SPECC1: variants seen among roughly 807,000 people sequenced by gnomAD.
SPECC1 encodes sperm antigen with calponin homology and coiled-coil domains 1, also known as cytospin-B.
A neutral mutation model predicts 104.1 loss-of-function variants in SPECC1; 62 were observed. The ratio of observed to expected loss-of-function variants is 0.60; its 90% CI spans 0.49 to 0.74. The LOEUF (loss-of-function observed/expected upper bound fraction) is 0.74. Ranked by LOEUF, SPECC1 falls within the 30% of genes least tolerant of loss-of-function variation. The pLI is 0.00. For synonymous variants in SPECC1, 513 were observed against 501.6 expected (o/e 1.02, Z -0.30); for missense variants, 1,306 against 1,310.5 (o/e 1.00, Z 0.05).
chr17:20,089,201 G>A (rs17759609), intron 1 of SPECC1, among the ~76,000 whole-genome samples: 1 of 152,070 alleles, frequency 6.6e-6, no homozygotes, highest in East Asian at 1.9e-4. Context: ...ACATTCCCTT[G>A]TTGCTGAACT....
At chr17:20,271,759 C>T (rs2040417194) in intron 12 of SPECC1, among the ~76,000 whole-genome samples, 1 of 151,724 alleles carries the variant, frequency 6.6e-6, no homozygotes, top group African/African-American at 2.4e-5. Context: ...TTTTTTTTCC[C>T]CTTTGTTTTT....
chr17:20,300,529 T>G (rs528992348), intron 13 of SPECC1, among the ~76,000 whole-genome samples: 16 of 152,258 alleles, frequency 1.1e-4, no homozygotes, highest in African/African-American at 1.7e-4. Flanking sequence ...CCTGCAGTCA[T>G]CCAGACAGAC....
intron 1 of SPECC1, among the ~76,000 whole-genome samples, chr17:20,071,032 G>C (rs1445767555): frequency 6.6e-6 from 1 of 151,782 alleles, no homozygotes; most frequent in Non-Finnish European, 1.5e-5. Context: ...TTCTTTTTCA[G>C]TTTTTTGAGA....
intron 1 of SPECC1, among the ~76,000 whole-genome samples, chr17:20,022,645 C>A (rs902170805): frequency 6.6e-6 from 1 of 152,190 alleles, no homozygotes; most frequent in African/African-American, 2.4e-5. Flanking sequence ...GTATTTCAGT[C>A]CTGGCTAGAG....
chr17:20,099,935 C>T (rs2542885), intron 2 of SPECC1, among the ~76,000 whole-genome samples: 1 of 152,024 alleles, frequency 6.6e-6, no homozygotes, highest in East Asian at 1.9e-4. Context: ...CATGGATGCT[C>T]AAGTCCCTGA....
intron 2 of SPECC1, among the ~76,000 whole-genome samples, chr17:20,108,493 A>C (rs1209078973): frequency 6.6e-6 from 1 of 152,112 alleles, no homozygotes; most frequent in African/African-American, 2.4e-5. Flanking sequence ...TTTTGGTTGT[A>C]ACTCCCCGAG....
chr17:20,100,456 C>CAGT (rs1424251949), intron 2 of SPECC1, among the ~76,000 whole-genome samples: 4 of 152,146 alleles, frequency 2.6e-5, no homozygotes, highest in African/African-American at 9.7e-5. Flanking sequence ...GGAGGTTCTA[C>CAGT]AGTAGTACAG....
In SPECC1 at chr17:20,016,565, C is replaced by T. The variant is rs556944277; in HGVS notation, c.-22+7141C>T. Among the ~76,000 whole-genome samples, 11 of 152,290 alleles carry T rather than the reference C, an allele frequency of 7.2e-5. No homozygotes were observed. The South Asian group carries it at 2.1e-3, about 29-fold the overall frequency. On this transcript the variant is annotated intron_variant, in intron 1 of 14. Coordinates refer to ENST00000395527, the MANE Select transcript of SPECC1 (RefSeq NM_001243439.2). ...TGGCGGGCCCCGCACTGGGAGCGGC[C>T]GGCCAGCCGGCCCCAACGGCCCCAG...
intron 12 of SPECC1, among the ~76,000 whole-genome samples, chr17:20,279,471 C>T (rs182480528): frequency 1.4e-4 from 22 of 151,876 alleles, no homozygotes; most frequent in Admixed American, 4.6e-4. Context: ...TGCAGGCATG[C>T]GCCACCATGC....
intron 3 of SPECC1, among the ~76,000 whole-genome samples, chr17:20,172,150 C>A (rs1227782542): frequency 6.6e-6 from 1 of 152,214 alleles, no homozygotes; most frequent in Non-Finnish European, 1.5e-5. Flanking sequence ...CCTGCCCTGG[C>A]ACCTGTGGAA....
intron 3 of SPECC1, among the ~76,000 whole-genome samples, chr17:20,174,595 C>T (rs1400963150): frequency 7.5e-6 from 1 of 133,916 alleles, no homozygotes; most frequent in African/African-American, 2.6e-5. Flanking sequence ...ACCAGGTGGT[C>T]ACATCAGTCT....
intron 3 of SPECC1, among the ~76,000 whole-genome samples, chr17:20,188,449 G>T (rs752434781): frequency 6.6e-6 from 1 of 151,910 alleles, no homozygotes; most frequent in Non-Finnish European, 1.5e-5. Flanking sequence ...GTAGAGACGG[G>T]GTTTCACCAT....
intron 3 of SPECC1, among the ~76,000 whole-genome samples, chr17:20,170,343 T>G (rs1237603638): frequency 6.6e-6 from 1 of 152,268 alleles, no homozygotes; most frequent in Non-Finnish European, 1.5e-5. Flanking sequence ...AGGAAAGTTT[T>G]GAATTCTCAG....
chr17:20,017,103 G>T (rs1257234988), intron 1 of SPECC1: 1 of 152,248 alleles, frequency 6.6e-6, no homozygotes, highest in Non-Finnish European at 1.5e-5. Context: ...ATATGGGTGT[G>T]GCCAGATAAG....
At chr17:20,021,373 A>G (rs2044368331) in intron 1 of SPECC1, among the ~76,000 whole-genome samples, 2 of 152,002 alleles carry the variant, frequency 1.3e-5, no homozygotes, top group Admixed American at 1.3e-4. Flanking sequence ...CTCACCACCC[A>G]TCTCTGTTAC....
intron 3 of SPECC1, among the ~76,000 whole-genome samples, chr17:20,195,366 T>A (rs893253700): frequency 3.1e-4 from 38 of 123,412 alleles, no homozygotes; most frequent in African/African-American, 1.1e-3. Context: ...TTATAATTAT[T>A]AATAACACAC....
chr17:20,025,862 A>C (rs1436484348), intron 1 of SPECC1, among the ~76,000 whole-genome samples: 2 of 152,118 alleles, frequency 1.3e-5, no homozygotes, highest in Non-Finnish European at 2.9e-5. Flanking sequence ...TCACATCCTT[A>C]CCAACATTTG....
intron 1 of SPECC1, among the ~76,000 whole-genome samples, chr17:20,076,345 G>A (rs1420762710): frequency 6.6e-6 from 1 of 152,066 alleles, no homozygotes; most frequent in Non-Finnish European, 1.5e-5. Flanking sequence ...GATTACAGGC[G>A]TGTGCCAACA....
At chr17:20,232,102 AT>A in intron 6 of SPECC1, 97 bp from the exon 7 acceptor site, 1 of 1,425,876 alleles carries the variant, frequency 7.0e-7, no homozygotes, top group Non-Finnish European at 9.7e-7. Context: ...CACTGATGGC[AT>A]TTTTTTCTTG....
Sources: allele counts gnomAD v4.1 joint callset (sites outside exome capture counted in the v4.1 genomes callset), GRCh38; gene constraint gnomAD v4.1.1; transcripts MANE v1.5; gene names NCBI Gene and HGNC (gene_info 2026-07-23, HGNC 2026-07-21).